AGAP1: variants seen among roughly 807,000 people sequenced by gnomAD.
The protein encoded by AGAP1 is arf-GAP with GTPase, ANK repeat and PH domain-containing protein 1.
In AGAP1, 29 loss-of-function variants were observed where a neutral mutation model predicts 105.3. The ratio of observed to expected loss-of-function variants is 0.28; its 90% CI spans 0.21 to 0.38. The LOEUF is 0.38. Among genes scored for constraint, AGAP1 ranks in the 10% least tolerant of loss-of-function variants. AGAP1 has a pLI of 1.00. For missense variants in AGAP1, 998 were observed against 1,165.1 expected (o/e 0.86, Z 2.09); for synonymous variants, 509 against 485.9 (o/e 1.05, Z -0.63).
chr2:235,543,696 G>A (rs923874243), intron 1 of AGAP1, among the ~76,000 whole-genome samples: 1 of 152,174 alleles, frequency 6.6e-6, no homozygotes, highest in Non-Finnish European at 1.5e-5. Context: ...GTTTCCTGGA[G>A]CCCTTCTTCC....
At position 235,553,551 on chromosome 2, in the gene AGAP1, G is replaced by A. The variant is rs188713437; in HGVS notation, c.163+58702G>A. Among the ~76,000 whole-genome samples, 220 of 152,218 alleles carry A rather than the reference G, an allele frequency of 1.4e-3. 1 individual carries two copies. Among genetic ancestry groups the A allele is most frequent in the African/African-American group, 4.9e-3 (203 of 41,522 alleles). On this transcript the variant is annotated intron_variant, in intron 1 of 17. Coordinates refer to ENST00000304032, the MANE Select transcript of AGAP1 (RefSeq NM_001037131.3). This position sits in a 1 kb window ranked among gnomAD's most constrained non-coding sequence, Gnocchi z 4.5. Reference sequence around the variant, plus strand: ...TCATCATTGTCAATATTAAGAAGGCGAGTCCACGCATCTCTCTGGCCTGTT... The same window carrying A: ...TCATCATTGTCAATATTAAGAAGGCAAGTCCACGCATCTCTCTGGCCTGTT...
In AGAP1 at chr2:236,113,729, G is replaced by A. The variant is rs1052173289; in HGVS notation, c.2115-6463G>A. Among the ~76,000 whole-genome samples, 4 of 152,168 alleles carry A rather than the reference G, an allele frequency of 2.6e-5. No homozygotes were observed. The highest frequency in any genetic ancestry group is 5.9e-5 in the Non-Finnish European group (4 of 68,030). The stretch of plus-strand genomic sequence containing the variant: ...AAGCCCGTCAGGCAGCAATGCTAGA[G>A]TGTCTGTCTCCGAGCTGGCAGACCC... On this transcript the variant is annotated intron_variant, in intron 16 of 17. Coordinates refer to ENST00000304032, the MANE Select transcript of AGAP1 (RefSeq NM_001037131.3). The surrounding 1 kb of genome is among the most constrained non-coding windows in gnomAD (Gnocchi z 4.3).
chr2:235,548,354 C>T (rs779375313), intron 1 of AGAP1, among the ~76,000 whole-genome samples: 1 of 152,176 alleles, frequency 6.6e-6, no homozygotes, highest in Non-Finnish European at 1.5e-5. Flanking sequence ...CACTCTCCAA[C>T]TTACCTTCAG....
intron 1 of AGAP1, among the ~76,000 whole-genome samples, chr2:235,597,006 A>G (rs1945547242): frequency 6.6e-6 from 1 of 152,234 alleles, no homozygotes; most frequent in Admixed American, 6.5e-5. Flanking sequence ...TCCAGCTGCC[A>G]GAACTGTGAG....
At chr2:236,081,535 C>T (rs898649156) in intron 16 of AGAP1, among the ~76,000 whole-genome samples, 2 of 152,178 alleles carry the variant, frequency 1.3e-5, no homozygotes, top group African/African-American at 4.8e-5. Flanking sequence ...GCCTCGTGGT[C>T]CAAAGCCACC....
At chr2:236,068,675 CTG>C (rs952245595) in intron 16 of AGAP1, among the ~76,000 whole-genome samples, 1 of 148,352 alleles carries the variant, frequency 6.7e-6, no homozygotes, top group African/African-American at 2.5e-5. Flanking sequence ...TGGCGGGCGC[CTG>C]TAGTCCCAGC....
intron 16 of AGAP1, among the ~76,000 whole-genome samples, chr2:236,068,672 C>T (rs1269748621): frequency 6.8e-6 from 1 of 147,332 alleles, no homozygotes; most frequent in Admixed American, 6.8e-5. Context: ...TGGTGGCGGG[C>T]GCCTGTAGTC....
In AGAP1 at chr2:235,931,564, A is replaced by T. The variant is rs1260527754; in HGVS notation, c.1483+641A>T. On this transcript the variant is annotated intron_variant, in intron 12 of 17. Transcript: ENST00000304032. This position sits in a 1 kb window ranked among gnomAD's most constrained non-coding sequence, Gnocchi z 5.6. ...GCACCGAGGGCACCCTGGTGGCTGC[A>T]GCAGGGTTTGCCTGTGGCGTTTTGT... Among the ~76,000 whole-genome samples the T allele has an allele frequency of 6.6e-6, 1 of 152,072 alleles. No homozygotes were observed. Among genetic ancestry groups the T allele is most frequent in the African/African-American group, 2.4e-5 (1 of 41,402 alleles).
chr2:235,793,478 G>T lies in AGAP1; in HGVS notation c.674-4281G>T, dbSNP rs1053767928. Among the ~76,000 whole-genome samples, 2 of 152,200 alleles carry T rather than the reference G, an allele frequency of 1.3e-5. No individual in the cohort carries two copies. Among genetic ancestry groups the T allele is most frequent in the African/African-American group, 4.8e-5 (2 of 41,452 alleles). On this transcript the variant is annotated intron_variant, in intron 6 of 17. Transcript: ENST00000304032. The surrounding 1 kb of genome is among the most constrained non-coding windows in gnomAD (Gnocchi z 5.3). ...ACCAGGACAGTCTGTTGGGGTGCTG[G>T]CAGGGTGTTCGATTGCCACATGGTG...
intron 1 of AGAP1, among the ~76,000 whole-genome samples, chr2:235,563,281 C>CT (rs1944227052): frequency 6.6e-6 from 1 of 152,106 alleles, no homozygotes; most frequent in South Asian, 2.1e-4. Context: ...TCCGTCCTGC[C>CT]CCCCTTTGCT....
intron 12 of AGAP1, among the ~76,000 whole-genome samples, chr2:235,940,676 A>G (rs1431843900): frequency 1.3e-5 from 2 of 151,940 alleles, no homozygotes; most frequent in South Asian, 2.1e-4. Flanking sequence ...TTCTTGTTCG[A>G]CTCCTACCCA....
chr2:235,529,548 TC>T (rs1942974215), intron 1 of AGAP1, among the ~76,000 whole-genome samples: 1 of 152,130 alleles, frequency 6.6e-6, no homozygotes, highest in South Asian at 2.1e-4. Context: ...AGCATCAGAC[TC>T]CAGTTAATAC....
rs986814761 is a variant in AGAP1 at position 235,967,547 on chromosome 2, C to T, written c.1484-915C>T. On this transcript the variant is annotated intron_variant, in intron 12 of 17. Coordinates refer to ENST00000304032, the MANE Select transcript of AGAP1 (RefSeq NM_001037131.3). This position sits in a 1 kb window ranked among gnomAD's most constrained non-coding sequence, Gnocchi z 4.7. ...AGCATCTTGAAAAGCCGCTGGCTCACAGTCAGTGCTCAAAAAATACCAGCT... is the reference window on the plus strand; with the variant it reads ...AGCATCTTGAAAAGCCGCTGGCTCATAGTCAGTGCTCAAAAAATACCAGCT... Among the ~76,000 whole-genome samples the T allele has an allele frequency of 2.0e-5, 3 of 152,226 alleles. No homozygotes were observed. Among genetic ancestry groups the T allele is most frequent in the Non-Finnish European group, 4.4e-5 (3 of 68,042 alleles).
chr2:235,985,580 G>A (rs1389787554), intron 13 of AGAP1, among the ~76,000 whole-genome samples: 2 of 152,064 alleles, frequency 1.3e-5, no homozygotes, highest in East Asian at 3.8e-4. Flanking sequence ...TTTATGGTTT[G>A]GGTTTTCATT....
At chr2:235,682,336 GGTTTTGTTTT>G (rs199516786) in intron 1 of AGAP1, among the ~76,000 whole-genome samples, 7 of 151,396 alleles carry the variant, frequency 4.6e-5, no homozygotes, top group Non-Finnish European at 1.0e-4. Context: ...GTTTTGTGGG[GGTTTTGTTTT>G]GTTTTGTTTT....
Position 235,927,249 on chromosome 2 carries a change from G to C in AGAP1, c.1325-3516G>C, listed in dbSNP as rs1014405912. On this transcript the variant is annotated intron_variant, in intron 11 of 17. Transcript: ENST00000304032. This position sits in a 1 kb window ranked among gnomAD's most constrained non-coding sequence, Gnocchi z 4.4. ...TAGCTGGTCTGGTGTCTTCCATCTG[G>C]ACACCAGGAGCATGTGGTCTTGCCA... is the stretch of plus-strand genomic sequence containing the variant. Among the ~76,000 whole-genome samples the C allele has an allele frequency of 2.0e-5, 3 of 152,114 alleles. No homozygotes were observed. The highest frequency in any genetic ancestry group is 4.4e-5 in the Non-Finnish European group (3 of 68,042).
In AGAP1 at chr2:236,005,125, T is replaced by TTGTG. The variant is rs148902167; in HGVS notation, c.1646-31424_1646-31421dup. Among the ~76,000 whole-genome samples, 23 of 150,036 alleles carry TTGTG rather than the reference T, an allele frequency of 1.5e-4. No homozygotes were observed. The East Asian group carries it at 2.5e-3, about 16-fold the overall frequency. On this transcript the variant is annotated intron_variant, in intron 13 of 17. Transcript: ENST00000304032. This position sits in a 1 kb window ranked among gnomAD's most constrained non-coding sequence, Gnocchi z 4.1. The stretch of plus-strand genomic sequence containing the variant: ...CCCCCTGACAAGTTTCCCATGTTTT[T>TTGTG]TGTGTGTGTGTGTGTTTTGGTTTTT...
chr2:235,694,097 A>T lies in AGAP1; in HGVS notation c.164-15082A>T, dbSNP rs541975500. Among the ~76,000 whole-genome samples, 3 of 152,230 alleles carry T rather than the reference A, an allele frequency of 2.0e-5. No individual in the cohort carries two copies. The South Asian group carries it at 6.2e-4, about 32-fold the overall frequency. The stretch of plus-strand genomic sequence containing the variant: ...GGTGGCTTACACCTGTAATCCTAGC[A>T]CTTTGGGAGGCTGAGGTGGGTGGAT... On this transcript the variant is annotated intron_variant, in intron 1 of 17. Coordinates refer to ENST00000304032, the MANE Select transcript of AGAP1 (RefSeq NM_001037131.3).
rs773307797 is a variant in AGAP1, at chr2:235,807,409, G to A, written c.1050+78G>A. 14 of 1,319,904 alleles carry A rather than the reference G, an allele frequency of 1.1e-5. No individual in the cohort carries two copies. In the African/African-American group the frequency reaches 1.2e-4, roughly 11 times the overall value. The allele number at this position is 1,319,904 out of a possible 1,614,324, so 81.8% of individuals were successfully genotyped here. ...CTTCCTGGAGATGATGCTGGCTCTCGCACCAAGGTCTGTCTGATGTGCTCT... is the reference window on the plus strand; with the variant it reads ...CTTCCTGGAGATGATGCTGGCTCTCACACCAAGGTCTGTCTGATGTGCTCT... On this transcript the variant is annotated intron_variant, in intron 9 of 17. Transcript: ENST00000304032.
Sources: gnomAD v4.1 joint callset for allele counts (sites outside exome capture counted in the v4.1 genomes callset) on GRCh38, gnomAD v4.1.1 for gene constraint, Gnocchi (gnomAD v3.1) non-coding constraint, MANE v1.5 for transcripts, NCBI Gene and HGNC (gene_info 2026-07-23, HGNC 2026-07-21) for gene names.